The following TMEM44 variants were observed in gnomAD, a reference collection of about 807,000 sequenced individuals.
The protein encoded by TMEM44 is transmembrane protein 44.
Under a neutral mutation model 47.8 loss-of-function variants are expected in TMEM44, and 43 were observed. The ratio of observed to expected loss-of-function variants is 0.90; its 90% CI spans 0.70 to 1.16. TMEM44 has a LOEUF of 1.16. Ranked by LOEUF, TMEM44 falls within the 50% of genes most tolerant of loss-of-function variation. TMEM44 has a pLI of 0.00. For synonymous variants in TMEM44, 277 were observed against 238.8 expected (o/e 1.16, Z -1.48); for missense variants, 568 against 555.2 (o/e 1.02, Z -0.23).
At chr3:194,624,452 G>T (rs569065151) in intron 3 of TMEM44, among the ~76,000 whole-genome samples, 5 of 151,940 alleles carry the variant, frequency 3.3e-5, no homozygotes, top group East Asian at 1.9e-4. Flanking sequence ...ACAGGGTCTC[G>T]CTGTCACCCA....
chr3:194,608,309 C>G (rs979784168), intron 8 of TMEM44, among the ~76,000 whole-genome samples: 3 of 152,244 alleles, frequency 2.0e-5, no homozygotes, highest in Non-Finnish European at 4.4e-5. Flanking sequence ...AAACCTCTCT[C>G]TCAGCCGAGT....
chr3:194,619,715 C>A lies in TMEM44; in HGVS notation c.613-2446G>T, dbSNP rs78007003. Among the ~76,000 whole-genome samples the A allele has an allele frequency of 1.2e-3, 187 of 152,316 alleles. 1 individual carries two copies. The highest frequency in any genetic ancestry group is 4.4e-3 in the African/African-American group (184 of 41,584). ...GCCTGGCTTCCCAGAACACCCCAAA[C>A]CCTGCTGGGTTTCTCCCTATGAAGG... is the stretch of plus-strand genomic sequence containing the variant. On this transcript the variant is annotated intron_variant, in intron 5 of 9. Transcript: ENST00000347147.
Position 194,623,580 on chromosome 3 carries a change from A to G in TMEM44, c.474T>C (p.Ala158=). The change falls in exon 4 of 10, where the codon GCT becomes GCC. Residue 158 remains alanine (A), a synonymous_variant. Coordinates refer to ENST00000347147, the MANE Select transcript of TMEM44 (RefSeq NM_001011655.3). ...GCTGTGGCCCCCGGATGGTGGCTGA[A>G]GCCTTCGGGACAGCAACCCACAGAG... is the stretch of plus-strand genomic sequence containing the variant. ...CWALWVAVPK[A]SATIRGPQRR... 6.2e-7 allele frequency: 1 copy of G among 1,610,406 alleles called. No homozygotes were observed. The highest frequency in any genetic ancestry group is 1.3e-5 in the African/African-American group (1 of 74,986).
intron 5 of TMEM44, among the ~76,000 whole-genome samples, chr3:194,621,393 G>A (rs371070204): frequency 9.8e-4 from 149 of 152,082 alleles, no homozygotes; most frequent in African/African-American, 3.3e-3. Context: ...ACTTTGTTAC[G>A]ACAGCCCTAG....
intron 8 of TMEM44, among the ~76,000 whole-genome samples, chr3:194,605,796 G>A (rs1415987796): frequency 6.6e-6 from 1 of 152,174 alleles, no homozygotes; most frequent in African/African-American, 2.4e-5. Context: ...TCCCTGCTTT[G>A]CCTCCAGTGA....
chr3:194,619,802 T>C (rs920515551), intron 5 of TMEM44, among the ~76,000 whole-genome samples: 1 of 152,196 alleles, frequency 6.6e-6, no homozygotes, highest in Non-Finnish European at 1.5e-5. Flanking sequence ...CAGCAGCTCC[T>C]TCCCTAGAAA....
At chr3:194,610,795 T>C in intron 8 of TMEM44, 121 bp downstream of exon 8, 1 of 858,746 alleles carries the variant, frequency 1.2e-6, no homozygotes, top group South Asian at 1.6e-5. Context: ...TCCTTCTTTT[T>C]TACCTGCTTC....
chr3:194,593,941 G>C (rs984038689), intron 9 of TMEM44, among the ~76,000 whole-genome samples: 2 of 152,128 alleles, frequency 1.3e-5, no homozygotes, highest in African/African-American at 4.8e-5. Flanking sequence ...CTCCTGAGTA[G>C]CTGGGACTAC....
At chr3:194,590,716 G>T (rs954097888) in intron 9 of TMEM44, among the ~76,000 whole-genome samples, 1 of 152,116 alleles carries the variant, frequency 6.6e-6, no homozygotes, top group Non-Finnish European at 1.5e-5. Flanking sequence ...CTAGCCCCTG[G>T]GTAGGGGGTA....
At chr3:194,616,862 T>C in intron 6 of TMEM44, 1 of 553,796 alleles carries the variant, frequency 1.8e-6, no homozygotes, top group South Asian at 2.1e-5. Context: ...GCCACTGCAC[T>C]CCAGCCTGGG....
At chr3:194,626,278 C>A (rs1224913613) in intron 2 of TMEM44, among the ~76,000 whole-genome samples, 1 of 152,216 alleles carries the variant, frequency 6.6e-6, no homozygotes, top group African/African-American at 2.4e-5. Context: ...CTTCCCACTG[C>A]GTGAGGCAGT....
chr3:194,616,472 C>T (rs531865376), intron 6 of TMEM44: 43 of 427,382 alleles, frequency 1.0e-4, no homozygotes, highest in African/African-American at 4.7e-4. Context: ...AGGAGACACA[C>T]GAAGATACAC....
At chr3:194,632,483 G>C (rs112339125) in intron 1 of TMEM44, among the ~76,000 whole-genome samples, 122 of 152,162 alleles carry the variant, frequency 8.0e-4, no homozygotes, top group African/African-American at 2.9e-3. Context: ...GGCTACCGTG[G>C]GCATCTGGAC....
intron 9 of TMEM44, among the ~76,000 whole-genome samples, chr3:194,593,805 A>C (rs1335419785): frequency 1.3e-5 from 2 of 152,198 alleles, no homozygotes; most frequent in African/African-American, 4.8e-5. Flanking sequence ...TTTCATTAAA[A>C]AAAATCAATT....
At chr3:194,594,561 A>C (rs1437801637) in intron 9 of TMEM44, among the ~76,000 whole-genome samples, 1 of 152,150 alleles carries the variant, frequency 6.6e-6, no homozygotes, top group Non-Finnish European at 1.5e-5. Context: ...ATACCTAACA[A>C]AATTAGTGAT....
At chr3:194,592,729 C>T (rs1712918476) in intron 9 of TMEM44, among the ~76,000 whole-genome samples, 1 of 152,040 alleles carries the variant, frequency 6.6e-6, no homozygotes, top group Admixed American at 6.6e-5. Flanking sequence ...GATTCACTTG[C>T]CTCAGCCCCT....
chr3:194,611,068 G>A lies in TMEM44; in HGVS notation c.913-48C>T. The A allele has an allele frequency of 6.6e-7, 1 of 1,526,602 alleles. No individual in the cohort carries two copies. The highest frequency in any genetic ancestry group is 1.1e-5 in the South Asian group (1 of 87,760). The allele number at this position is 1,526,602 out of a possible 1,614,324, so 94.6% of individuals were successfully genotyped here. ...CAGAAAGGGGAATTCTCAAAGTCAGGAGGCATTTTCTAAAAACAAGGTCAC... is the reference window on the plus strand; with the variant it reads ...CAGAAAGGGGAATTCTCAAAGTCAGAAGGCATTTTCTAAAAACAAGGTCAC... On this transcript the variant is annotated intron_variant, in intron 7 of 9. Transcript: ENST00000347147. The surrounding 1 kb of genome is among the most constrained non-coding windows in gnomAD (Gnocchi z 4.2).
intron 5 of TMEM44, chr3:194,617,850 C>G (rs1716110344): frequency 4.6e-6 from 3 of 656,818 alleles, no homozygotes; most frequent in Non-Finnish European, 8.3e-6. Flanking sequence ...GTGCTGTCCT[C>G]ACGACAGTGA....
rs776618686 is a variant in TMEM44 at position 194,628,459 on chromosome 3, A to G, written c.188T>C (p.Leu63Pro). Residue 63 changes from leucine to proline, a missense_variant, in exon 2 of 10, where the codon CTG becomes CCG. Leu to Pro is a moderately conservative substitution (Grantham distance 98, BLOSUM62 -3). Transcript: ENST00000347147. ...AQKPRQDQSA[L>P]CAACCLLTSL... The stretch of plus-strand genomic sequence containing the variant: ...GGTCAGGAGGCAGCACGCAGCACAC[A>G]GTGCCGACTGGTCCTGTCTGGGTTT... The G allele has an allele frequency of 8.1e-6, 13 of 1,613,698 alleles. No individual in the cohort carries two copies. The highest frequency in any genetic ancestry group is 9.3e-6 in the Non-Finnish European group (11 of 1,179,838).
Sources: gnomAD v4.1 joint callset for allele counts (sites outside exome capture counted in the v4.1 genomes callset) on GRCh38, gnomAD v4.1.1 for gene constraint, Gnocchi (gnomAD v3.1) non-coding constraint, MANE v1.5 for transcripts, NCBI Gene and HGNC (gene_info 2026-07-23, HGNC 2026-07-21) for gene names.